ETNPPL: variants seen among roughly 807,000 people sequenced by gnomAD.
ETNPPL encodes the protein ethanolamine-phosphate phospho-lyase, also known as alanine--glyoxylate aminotransferase 2-like 1.
In ETNPPL, 30 loss-of-function variants were observed where a neutral mutation model predicts 55.5. The ratio of observed to expected loss-of-function variants is 0.54; its 90% CI spans 0.40 to 0.73. The LOEUF (loss-of-function observed/expected upper bound fraction) is 0.73. Ranked by LOEUF, ETNPPL falls within the 30% of genes least tolerant of loss-of-function variation. The pLI, the probability that ETNPPL is intolerant of heterozygous loss-of-function variation, is 0.00. For synonymous variants in ETNPPL, 202 were observed against 207.2 expected, an observed-to-expected ratio of 0.98 and a Z score of 0.21; for missense variants, 528 against 607.9, an observed-to-expected ratio of 0.87 and a Z score of 1.38.
chr4:108,750,836 C>T, intron 7 of ETNPPL, 100 bp downstream of exon 7: 1 of 887,770 alleles, frequency 1.1e-6, no homozygotes, highest in Non-Finnish European at 1.9e-6. Context: ...TATTTACCAG[C>T]TAATCAGGAA....
At chr4:108,757,693 C>T (rs1297525593) in intron 3 of ETNPPL, among the ~76,000 whole-genome samples, 1 of 152,090 alleles carries the variant, frequency 6.6e-6, no homozygotes, top group Admixed American at 6.5e-5. Flanking sequence ...AATCCTAGCA[C>T]TTTGGGAGGC....
rs780805603 is a variant in ETNPPL at position 108,749,348 on chromosome 4, T to C, written c.817A>G (p.Ile273Val). The C allele has an allele frequency of 3.1e-6, 5 of 1,614,176 alleles. No homozygotes were observed. Among genetic ancestry groups the C allele is most frequent in the Non-Finnish European group, 3.4e-6 (4 of 1,180,022 alleles). Residue 273 changes from isoleucine (I) to valine (V), a missense_variant, in exon 8 of 13, where the codon ATC (isoleucine) becomes GTC (valine). Coordinates refer to ENST00000296486, the MANE Select transcript of ETNPPL (RefSeq NM_031279.4). Reference sequence around the variant, plus strand: ...CCCATCGGTTTTCCCATTGTGACGATGTCTGGAACAAAGTCTTCACCATAC... The same window carrying C: ...CCCATCGGTTTTCCCATTGTGACGACGTCTGGAACAAAGTCTTCACCATAC... ...QMYGEDFVPD[I>V]VTMGKPMGNG...
chr4:108,759,238 T>C (rs1578395648), intron 3 of ETNPPL, among the ~76,000 whole-genome samples: 1 of 149,708 alleles, frequency 6.7e-6, no homozygotes, highest in South Asian at 2.1e-4. Context: ...CTGAGGTGGG[T>C]GGATCACAAA....
chr4:108,758,840 C>T (rs769599403), intron 3 of ETNPPL, among the ~76,000 whole-genome samples: 8 of 152,084 alleles, frequency 5.3e-5, no homozygotes, highest in Non-Finnish European at 1.0e-4. Context: ...CACCTGAGGT[C>T]GGGAGTTTGA....
chr4:108,754,666 T>C lies in ETNPPL; in HGVS notation c.455A>G (p.Tyr152Cys), dbSNP rs1326811720. Residue 152 changes from tyrosine (Y) to cysteine (C), a missense_variant, in exon 5 of 13, where the codon TAT becomes TGT. By Grantham distance (194) the Tyr-to-Cys change is radical (BLOSUM62 -2). Coordinates refer to ENST00000296486, the MANE Select transcript of ETNPPL (RefSeq NM_031279.4). ...GACATCTTTTCCTTTCTGAAACTTATATGGGCTAATCTCAATTAAGGATGA... is the reference window on the plus strand; with the variant it reads ...GACATCTTTTCCTTTCTGAAACTTACATGGGCTAATCTCAATTAAGGATGA... ...HLSSLIEISP[Y>C]KFQKGKDVKK... 6 of 1,601,628 alleles carry C rather than the reference T, an allele frequency of 3.7e-6. No individual in the cohort carries two copies. Among genetic ancestry groups the C allele is most frequent in the Non-Finnish European group, 5.1e-6 (6 of 1,170,196 alleles).
rs527504556 is a variant in ETNPPL, at chr4:108,747,603, C to T, written c.1082+402G>A. ...ATGTGAACCACCACATCCGGCCCCA[C>T]CCAAATGTTAACAGTGGTGATATCT... On this transcript the variant is annotated intron_variant, in intron 9 of 12. Transcript: ENST00000296486. 1.9e-4 allele frequency among the ~76,000 whole-genome samples: 29 copies of T among 151,876 alleles called. No individual in the cohort carries two copies. The South Asian group carries it at 5.4e-3, about 28-fold the overall frequency.
At chr4:108,754,801 T>C (rs1051528852) in intron 4 of ETNPPL, 91 bp from the exon 5 acceptor site, 4 of 783,066 alleles carry the variant, frequency 5.1e-6, no homozygotes, top group Non-Finnish European at 8.8e-6. Context: ...ATTTCATCCA[T>C]ATGCATCCAT....
At chr4:108,755,387 C>G (rs1455011924) in intron 4 of ETNPPL, among the ~76,000 whole-genome samples, 2 of 152,154 alleles carry the variant, frequency 1.3e-5, no homozygotes, top group Admixed American at 6.5e-5. Flanking sequence ...TTCTGGACAT[C>G]AGCCTTGGCA....
chr4:108,744,310 G>C (rs1728360093), intron 11 of ETNPPL, among the ~76,000 whole-genome samples: 1 of 151,812 alleles, frequency 6.6e-6, no homozygotes, highest in Non-Finnish European at 1.5e-5. Context: ...AGATTCTTTT[G>C]TAGTATTTTA....
At position 108,762,912 on chromosome 4, in the gene ETNPPL, AG is replaced by A; in HGVS notation, c.-15del. 2 of 1,613,774 alleles carry A rather than the reference AG, an allele frequency of 1.2e-6. No homozygotes were observed. Among genetic ancestry groups the A allele is most frequent in the Non-Finnish European group, 1.7e-6 (2 of 1,179,778 alleles). The stretch of plus-strand genomic sequence containing the variant: ...CAGCTCGCACATGGTGGCGGGGTGC[AG>A]GGCGCTGCGAAGGTGCAAGGTGCAA... On this transcript the variant is annotated 5_prime_UTR_variant, in exon 1 of 13. Transcript: ENST00000296486.
chr4:108,748,287 T>C, intron 8 of ETNPPL, 128 bp from the exon 9 acceptor site: 1 of 605,514 alleles, frequency 1.7e-6, no homozygotes, highest in Non-Finnish European at 2.7e-6. Context: ...TCTCTTATAA[T>C]ATTAGTTTCT....
chr4:108,761,498 A>G (rs1226278437), intron 1 of ETNPPL, among the ~76,000 whole-genome samples: 1 of 152,210 alleles, frequency 6.6e-6, no homozygotes, highest in Non-Finnish European at 1.5e-5. Flanking sequence ...CCAAAAAAAA[A>G]CTTTGTTAAG....
At position 108,742,580 on chromosome 4, in the gene ETNPPL, C is replaced by A; in HGVS notation, c.1404G>T (p.Arg468Ser). The A allele has an allele frequency of 6.2e-7, 1 of 1,614,040 alleles. No homozygotes were observed. The highest frequency in any genetic ancestry group is 1.1e-5 in the South Asian group (1 of 91,072). The change falls in exon 13 of 13, where the codon AGG (arginine) becomes AGT (serine). Residue 468 changes from arginine (R) to serine (S), a missense_variant. Coordinates refer to ENST00000296486, the MANE Select transcript of ETNPPL (RefSeq NM_031279.4). ...MLKEAHIELL[R>S]DSTTDSKENP... ...TTTCTTTGGAGTCAGTGGTGCTGTC[C>A]CTAAGCAGTTCTATGTGGGCTTCTT...
chr4:108,747,196 ATATATATATATAATATATATATATATAT>A (rs1728622659), intron 9 of ETNPPL, among the ~76,000 whole-genome samples: 9 of 7,846 alleles, frequency 1.1e-3, no homozygotes, highest in Non-Finnish European at 1.6e-3. Context: ...TATATATATT[ATATATATATATAATATATATATATATAT>A]TATATATATA....
intron 8 of ETNPPL, among the ~76,000 whole-genome samples, chr4:108,748,580 A>T (rs1728734382): frequency 6.6e-6 from 1 of 152,200 alleles, no homozygotes; most frequent in East Asian, 1.9e-4. Context: ...TTTAGCTGTA[A>T]CAAGTCGTAT....
chr4:108,762,430 T>C (rs1394886394), intron 1 of ETNPPL: 1 of 563,164 alleles, frequency 1.8e-6, no homozygotes, highest in Non-Finnish European at 3.4e-6. Flanking sequence ...GGAGCCATCA[T>C]GAAAAAATAT....
chr4:108,754,815 G>T, intron 4 of ETNPPL, 105 bp from the exon 5 acceptor site: 1 of 727,920 alleles, frequency 1.4e-6, no homozygotes. Context: ...CATCCATCCA[G>T]GGAGAATCTC....
chr4:108,753,841 C>A (rs1729066273), intron 5 of ETNPPL, among the ~76,000 whole-genome samples: 1 of 150,108 alleles, frequency 6.7e-6, no homozygotes, highest in Non-Finnish European at 1.5e-5. Flanking sequence ...AGAAATTATA[C>A]TGTTCCTCAG....
intron 2 of ETNPPL, 88 bp downstream of exon 2, chr4:108,760,100 G>A (rs1400819729): frequency 5.2e-5 from 58 of 1,117,390 alleles, no homozygotes; most frequent in Non-Finnish European, 7.2e-5. Context: ...TGCAGCCACT[G>A]CAATTCCCCA....
Sources: allele counts gnomAD v4.1 joint callset (sites outside exome capture counted in the v4.1 genomes callset), GRCh38; gene constraint gnomAD v4.1.1; transcripts MANE v1.5; gene names NCBI Gene and HGNC (gene_info 2026-07-23, HGNC 2026-07-21).